The following PPP1R13L variants were observed in gnomAD, a reference collection of about 807,000 sequenced individuals.
The protein encoded by PPP1R13L is relA-associated inhibitor.
PPP1R13L carries 50 observed loss-of-function variants against 80.9 expected under a neutral mutation model. The observed-to-expected ratio is 0.62, with a 90% CI of 0.49 to 0.78. PPP1R13L has a LOEUF of 0.78. Ranked by LOEUF, PPP1R13L falls within the 30% of genes least tolerant of loss-of-function variation. PPP1R13L has a pLI of 0.00. For synonymous variants in PPP1R13L, 602 were observed against 534.3 expected, an observed-to-expected ratio of 1.13 and a Z score of -1.75; for missense variants, 1,200 against 1,205.9, an observed-to-expected ratio of 1.00 and a Z score of 0.07.
In PPP1R13L at chr19:45,380,126, A is replaced by C; in HGVS notation, c.*64T>G. 3.2e-6 allele frequency: 5 copies of C among 1,574,802 alleles called. No homozygotes were observed. The highest frequency in any genetic ancestry group is 4.4e-6 in the Non-Finnish European group (5 of 1,145,852). On this transcript the variant is annotated 3_prime_UTR_variant, in exon 13 of 13. Coordinates refer to ENST00000360957, the MANE Select transcript of PPP1R13L (RefSeq NM_006663.4). ...GATAAAGGCAGCAAAAAACAGAGGGAGAGGTCTGGAGGGAAGGCAGGAATG... is the reference window on the plus strand; with the variant it reads ...GATAAAGGCAGCAAAAAACAGAGGGCGAGGTCTGGAGGGAAGGCAGGAATG...
At chr19:45,388,980 C>T (rs955469576) in intron 8 of PPP1R13L, among the ~76,000 whole-genome samples, 2 of 152,114 alleles carry the variant, frequency 1.3e-5, no homozygotes, top group Non-Finnish European at 2.9e-5. Context: ...TCAAGTGATC[C>T]ACCCGCCTCG....
At chr19:45,383,807 G>A (rs1026960944) in intron 11 of PPP1R13L, among the ~76,000 whole-genome samples, 23 of 151,944 alleles carry the variant, frequency 1.5e-4, no homozygotes, top group Admixed American at 9.8e-4. Context: ...TGTCGCCCAG[G>A]CTGGAGTGCA....
In PPP1R13L at chr19:45,396,007, G is replaced by C. The variant is rs539710802; in HGVS notation, c.904-121C>G. On this transcript the variant is annotated intron_variant, in intron 6 of 12. Coordinates refer to ENST00000360957, the MANE Select transcript of PPP1R13L (RefSeq NM_006663.4). This position sits in a 1 kb window ranked among gnomAD's most constrained non-coding sequence, Gnocchi z 5.3. ...GCCCTGGGAGTGAGGGAGAAGAAAGGGTGAGGAAGGAGCAGAAACCCAGCA... is the reference window on the plus strand; with the variant it reads ...GCCCTGGGAGTGAGGGAGAAGAAAGCGTGAGGAAGGAGCAGAAACCCAGCA... The C allele has an allele frequency of 3.0e-4, 379 of 1,275,252 alleles. 9 individuals are homozygous for C. The South Asian group carries it at 4.9e-3, about 17-fold the overall frequency. 79.0% of individuals were successfully genotyped at this position (1,275,252 alleles called of 1,614,324 possible).
At chr19:45,390,282 C>T (rs1380604617) in intron 8 of PPP1R13L, among the ~76,000 whole-genome samples, 1 of 152,114 alleles carries the variant, frequency 6.6e-6, no homozygotes, top group Non-Finnish European at 1.5e-5. Context: ...CCCCCACCTC[C>T]CCTTTTCCCT....
chr19:45,381,954 A>T (rs1014405360), intron 12 of PPP1R13L, among the ~76,000 whole-genome samples: 7 of 141,936 alleles, frequency 4.9e-5, no homozygotes, highest in Non-Finnish European at 1.1e-4. Context: ...AAATAAATAC[A>T]AATTGGCCGG....
In PPP1R13L at chr19:45,396,885, C is replaced by T. The variant is rs779422816; in HGVS notation, c.372G>A (p.Pro124=). The change falls in exon 4 of 13, where the codon CCG becomes CCA. Residue 124 remains proline, a synonymous_variant. Transcript: ENST00000360957. The surrounding 1 kb of genome is among the most constrained non-coding windows in gnomAD (Gnocchi z 5.3). ...PKGRPSSPRT[P]LYLQPDAYGS... ...CGTAGGCGTCCGGCTGCAGGTAGAG[C>T]GGGGTGCGCGGCGACGACGGCCGTC... 2 of 1,525,392 alleles carry T rather than the reference C, an allele frequency of 1.3e-6. No homozygotes were observed. Among genetic ancestry groups the T allele is most frequent in the East Asian group, 2.7e-5 (1 of 37,722 alleles). 94.5% of individuals were successfully genotyped at this position (1,525,392 alleles called of 1,614,324 possible).
At chr19:45,380,651 C>T (rs952216100) in intron 12 of PPP1R13L, among the ~76,000 whole-genome samples, 6 of 152,058 alleles carry the variant, frequency 3.9e-5, no homozygotes, top group African/African-American at 1.2e-4. Flanking sequence ...GACCCTGTCT[C>T]TACTAAAAAC....
rs1386695684 is a variant in PPP1R13L, at chr19:45,396,830, G to A, written c.427C>T (p.Pro143Ser). 19 of 1,485,982 alleles carry A rather than the reference G, an allele frequency of 1.3e-5. No homozygotes were observed. In the East Asian group the frequency reaches 5.0e-4, roughly 39 times the overall value. The allele number at this position is 1,485,982 out of a possible 1,614,324, so 92.0% of individuals were successfully genotyped here. The change falls in exon 4 of 13, where the codon CCC (proline) becomes TCC (serine). Residue 143 changes from proline (P) to serine (S), a missense_variant. This residue lies in a region of PPP1R13L where 764 missense variants were observed against 714.5 expected (regional missense o/e 1.07). Transcript: ENST00000360957. This position sits in a 1 kb window ranked among gnomAD's most constrained non-coding sequence, Gnocchi z 5.3. The stretch of plus-strand genomic sequence containing the variant: ...CTGCCTGCGCCATCGAAGGCGCGGG[G>A]CCGGGGCGAGGTCGCGCGGTCCAGG... ...GSLDRATSPR[P>S]RAFDGAGSSL...
At chr19:45,400,760 AT>A (rs887299061) in intron 1 of PPP1R13L, among the ~76,000 whole-genome samples, 32 of 25,960 alleles carry the variant, frequency 1.2e-3, no homozygotes, top group East Asian at 3.6e-3. Context: ...CACCCAGCTA[AT>A]TTTTTTTTTT....
In PPP1R13L at chr19:45,396,055, C is replaced by T; in HGVS notation, c.903+113G>A. On this transcript the variant is annotated intron_variant, in intron 6 of 12. Coordinates refer to ENST00000360957, the MANE Select transcript of PPP1R13L (RefSeq NM_006663.4). This position sits in a 1 kb window ranked among gnomAD's most constrained non-coding sequence, Gnocchi z 5.3. ...GCACAGTGAAGGGAGAGCGTGGGAA[C>T]GGGCGCCGAGACCCAGATCGCAGCC... The T allele has an allele frequency of 7.5e-7, 1 of 1,337,330 alleles. No homozygotes were observed. The highest frequency in any genetic ancestry group is 2.5e-5 in the East Asian group (1 of 39,662). 82.8% of individuals were successfully genotyped at this position (1,337,330 alleles called of 1,614,324 possible).
rs530794128 is a variant in PPP1R13L at position 45,391,835 on chromosome 19, G to A, written c.1815+45C>T. On this transcript the variant is annotated intron_variant, in intron 8 of 12. Coordinates refer to ENST00000360957, the MANE Select transcript of PPP1R13L (RefSeq NM_006663.4). ...GGGGGGCTCTTTGCTACAGCTCCTG[G>A]ATTCATGTAGCAAACATACCCCGGT... The A allele has an allele frequency of 8.0e-6, 11 of 1,378,424 alleles. No individual in the cohort carries two copies. In the African/African-American group the frequency reaches 1.6e-4, roughly 20 times the overall value. The allele number at this position is 1,378,424 out of a possible 1,614,324, so 85.4% of individuals were successfully genotyped here.
At chr19:45,392,376 C>T (rs200788192) in intron 7 of PPP1R13L, 36 bp from the exon 8 acceptor site, 3 of 1,591,596 alleles carry the variant, frequency 1.9e-6, no homozygotes, top group African/African-American at 2.7e-5. Context: ...GGACAGGTCC[C>T]CAGGAGACAC....
chr19:45,386,636 T>C (rs1338832288), intron 8 of PPP1R13L, among the ~76,000 whole-genome samples: 1 of 147,404 alleles, frequency 6.8e-6, no homozygotes, highest in African/African-American at 2.5e-5. Flanking sequence ...TTTCTCTTTT[T>C]TTTTTTTTTT....
In PPP1R13L at chr19:45,386,189, C is replaced by A; in HGVS notation, c.1816-9G>T. The A allele has an allele frequency of 6.6e-7, 1 of 1,511,408 alleles. No homozygotes were observed. Among genetic ancestry groups the A allele is most frequent in the Non-Finnish European group, 8.7e-7 (1 of 1,144,212 alleles). 93.6% of individuals were successfully genotyped at this position (1,511,408 alleles called of 1,614,324 possible). A position where few individuals can be genotyped will look rare whatever the true frequency, so the allele number is the denominator to read the frequency against. ...AGCACAGAGCGCATCTCCTGGGGGA[C>A]AGGGCGCAGAGGTCAGCGACTTGGA... On this transcript the variant is annotated splice_polypyrimidine_tract_variant and intron_variant, in intron 8 of 12. Transcript: ENST00000360957.
intron 12 of PPP1R13L, among the ~76,000 whole-genome samples, chr19:45,382,271 A>C (rs1270932582): frequency 6.6e-6 from 1 of 151,772 alleles, no homozygotes; most frequent in Non-Finnish European, 1.5e-5. Flanking sequence ...AAATAAAAAA[A>C]TAATAGAAAT....
At chr19:45,389,789 A>T (rs1022855532) in intron 8 of PPP1R13L, among the ~76,000 whole-genome samples, 1 of 151,754 alleles carries the variant, frequency 6.6e-6, no homozygotes, top group Admixed American at 6.6e-5. Context: ...TTATTTATTT[A>T]TTTATTTTTA....
Position 45,396,930 on chromosome 19 carries a change from G to A in PPP1R13L, c.327C>T (p.Tyr109=). 2 of 1,471,566 alleles carry A rather than the reference G, an allele frequency of 1.4e-6. No individual in the cohort carries two copies. The highest frequency in any genetic ancestry group is 1.8e-6 in the Non-Finnish European group (2 of 1,118,256). 91.2% of individuals were successfully genotyped at this position (1,471,566 alleles called of 1,614,324 possible). The part of the protein sequence containing the change: ...RSESAPTLHP[Y]SPLSPKGRPS... The stretch of plus-strand genomic sequence containing the variant: ...GCCGTCCCTTGGGGGACAGCGGGCT[G>A]TAGGGGTGTAGGGTTGGGGCACTCT... Residue 109 remains tyrosine (Y), a synonymous_variant, in exon 4 of 13, where the codon TAC becomes TAT. Coordinates refer to ENST00000360957, the MANE Select transcript of PPP1R13L (RefSeq NM_006663.4). This position sits in a 1 kb window ranked among gnomAD's most constrained non-coding sequence, Gnocchi z 5.3.
intron 11 of PPP1R13L, among the ~76,000 whole-genome samples, chr19:45,384,077 TTC>T (rs1372952359): frequency 6.6e-6 from 1 of 151,620 alleles, no homozygotes; most frequent in Non-Finnish European, 1.5e-5. Flanking sequence ...TCTTTTTCTT[TTC>T]TTTTCTTTTT....
intron 7 of PPP1R13L, 93 bp from the exon 8 acceptor site, chr19:45,392,433 A>G (rs749881916): frequency 8.3e-6 from 11 of 1,322,744 alleles, no homozygotes; most frequent in Middle Eastern, 1.8e-4. Context: ...CCAGCACATG[A>G]TTTTCTGTGT....
Sources: allele counts gnomAD v4.1 joint callset (sites outside exome capture counted in the v4.1 genomes callset), GRCh38; gene constraint gnomAD v4.1.1; regional missense constraint gnomAD v4.1.1; non-coding constraint Gnocchi (gnomAD v3.1); transcripts MANE v1.5; gene names NCBI Gene and HGNC (gene_info 2026-07-23, HGNC 2026-07-21).